The following SDR42E1 variants were observed in gnomAD, a reference collection of about 807,000 sequenced individuals.
SDR42E1 encodes the protein short chain dehydrogenase/reductase family 42E, member 1.
In SDR42E1, 5 loss-of-function variants were observed where a neutral mutation model predicts 2.6. That is an observed-to-expected ratio of 1.94 (90% CI 1.01 to 4.08). The LOEUF (loss-of-function observed/expected upper bound fraction) is 4.08, where lower values mean the gene tolerates loss of function less well. SDR42E1 is among the 30% of genes most tolerant of loss of function. The pLI, the probability that SDR42E1 is intolerant of heterozygous loss-of-function variation, is 0.00. For synonymous variants in SDR42E1, 231 were observed against 188.3 expected (o/e 1.23, Z -1.86); for missense variants, 596 against 478.6 (o/e 1.25, Z -2.29).
Position 82,000,013 on chromosome 16 carries a change from G to A in SDR42E1, c.280C>T (p.Leu94=), listed in dbSNP as rs1352422558. ...CCCCTGACGTTGACTTCTTTGATCAGGTTTCGATTGAGTTGCTCCCGCCCT... is the reference window on the plus strand; with the variant it reads ...CCCCTGACGTTGACTTCTTTGATCAAGTTTCGATTGAGTTGCTCCCGCCCT... ...MSGREQLNRN[L]IKEVNVRGTD... Residue 94 remains leucine (L), a synonymous_variant, in exon 3 of 3, where the codon CTG becomes TTG. Coordinates refer to ENST00000328945, the MANE Select transcript of SDR42E1 (RefSeq NM_145168.3). 1.2e-6 allele frequency: 2 copies of A among 1,614,194 alleles called. No homozygotes were observed. The highest frequency in any genetic ancestry group is 4.5e-5 in the East Asian group (2 of 44,882).
intron 1 of SDR42E1, among the ~76,000 whole-genome samples, chr16:82,004,723 T>C (rs892499634): frequency 1.1e-4 from 16 of 152,202 alleles, no homozygotes; most frequent in African/African-American, 3.4e-4. Flanking sequence ...CAATGAACCG[T>C]TGGGGCCACC....
chr16:81,989,322 GACATGAACACC>G lies in SDR42E1; in HGVS notation c.*9778_*9788del, dbSNP rs771506408. 4 of 152,166 alleles carry G rather than the reference GACATGAACACC, an allele frequency of 2.6e-5. No homozygotes were observed. Among genetic ancestry groups the G allele is most frequent in the Non-Finnish European group, 5.9e-5 (4 of 68,044 alleles). The allele number at this position is 152,166 out of a possible 1,614,324, so 9.4% of individuals were successfully genotyped here. A position where few individuals can be genotyped will look rare whatever the true frequency, so the allele number is the denominator to read the frequency against. ...GGTGGGAGACAGTAGTATGGGGAAA[GACATGAACACC>G]ACAGCCCTGTTTTCTATACAAATAT... is the stretch of plus-strand genomic sequence containing the variant. On this transcript the variant is annotated 3_prime_UTR_variant, in exon 3 of 3. Transcript: ENST00000328945.
In SDR42E1 at chr16:81,999,499, A is replaced by G. The variant is rs1314043153; in HGVS notation, c.794T>C (p.Phe265Ser). ...CAGGCCCTCAACCAGAGGCCGGAAG[A>G]ACTCAAAGTTGTTCACGGGTCTGCC... The part of the protein sequence containing the change: ...SDGRPVNNFE[F>S]FRPLVEGLGY... Residue 265 changes from phenylalanine to serine, a missense_variant, in exon 3 of 3, where the codon TTC becomes TCC. By Grantham distance (155) the Phe-to-Ser change is radical. Transcript: ENST00000328945. 6.2e-7 allele frequency: 1 copy of G among 1,614,042 alleles called. No homozygotes were observed. Among genetic ancestry groups the G allele is most frequent in the Non-Finnish European group, 8.5e-7 (1 of 1,180,028 alleles).
rs1207620055 is a variant in SDR42E1 at position 81,991,653 on chromosome 16, G to C, written c.*7458C>G. On this transcript the variant is annotated 3_prime_UTR_variant, in exon 3 of 3. Transcript: ENST00000328945. ...TTGAGCCCAGGAGTTCGAGCCAACAGTGAGCCATGACTGTGCCACTGTACT... is the reference window on the plus strand; with the variant it reads ...TTGAGCCCAGGAGTTCGAGCCAACACTGAGCCATGACTGTGCCACTGTACT... 6.6e-6 allele frequency: 1 copy of C among 150,384 alleles called. No homozygotes were observed. The highest frequency in any genetic ancestry group is 1.5e-5 in the Non-Finnish European group (1 of 67,938). 9.3% of individuals were successfully genotyped at this position (150,384 alleles called of 1,614,324 possible). A position where few individuals can be genotyped will look rare whatever the true frequency, so the allele number is the denominator to read the frequency against.
At position 81,990,183 on chromosome 16, in the gene SDR42E1, T is replaced by C. The variant is rs1354843195; in HGVS notation, c.*8928A>G. On this transcript the variant is annotated 3_prime_UTR_variant, in exon 3 of 3. Transcript: ENST00000328945. Reference sequence around the variant, plus strand: ...CAGAAAAATTAGCTAGGTGTGCTGGTGCACCTGTGGTTCTAGCTACTTAGG... The same window carrying C: ...CAGAAAAATTAGCTAGGTGTGCTGGCGCACCTGTGGTTCTAGCTACTTAGG... 4 of 152,284 alleles carry C rather than the reference T, an allele frequency of 2.6e-5. No individual in the cohort carries two copies. The highest frequency in any genetic ancestry group is 4.4e-5 in the Non-Finnish European group (3 of 68,160). 9.4% of individuals were successfully genotyped at this position (152,284 alleles called of 1,614,324 possible).
intron 1 of SDR42E1, among the ~76,000 whole-genome samples, chr16:82,003,898 C>T (rs1472098961): frequency 6.6e-6 from 1 of 152,184 alleles, no homozygotes; most frequent in African/African-American, 2.4e-5. Flanking sequence ...TTATTCTGAA[C>T]ACCCTAAAAT....
At chr16:82,010,752 G>T (rs903017832) in intron 1 of SDR42E1, among the ~76,000 whole-genome samples, 2 of 152,116 alleles carry the variant, frequency 1.3e-5, no homozygotes, top group African/African-American at 4.8e-5. Flanking sequence ...AAACGAAACT[G>T]GGCTCTGACC....
At position 81,990,694 on chromosome 16, in the gene SDR42E1, T is replaced by C. The variant is rs1363981931; in HGVS notation, c.*8417A>G. On this transcript the variant is annotated 3_prime_UTR_variant, in exon 3 of 3. Transcript: ENST00000328945. ...TGAGAGGCATTTGCTCAAAGTCACA[T>C]TGCAAATAAGAGATGGCTCCAGGAC... The C allele has an allele frequency of 4.6e-5, 7 of 152,184 alleles. No individual in the cohort carries two copies. The East Asian group carries it at 1.2e-3, about 25-fold the overall frequency. 9.4% of individuals were successfully genotyped at this position (152,184 alleles called of 1,614,324 possible).
chr16:81,999,517 G>C lies in SDR42E1; in HGVS notation c.776C>G (p.Pro259Arg). ...CCGGAAGAACTCAAAGTTGTTCACG[G>C]GTCTGCCATCTGAGATGAAGTAGGG... ...GQPYFISDGR[P>R]VNNFEFFRPL... Residue 259 changes from proline to arginine, a missense_variant, in exon 3 of 3, where the codon CCC becomes CGC. Pro to Arg is a moderately radical substitution (Grantham distance 103). Coordinates refer to ENST00000328945, the MANE Select transcript of SDR42E1 (RefSeq NM_145168.3). 6.2e-7 allele frequency: 1 copy of C among 1,614,170 alleles called. No homozygotes were observed. Among genetic ancestry groups the C allele is most frequent in the Non-Finnish European group, 8.5e-7 (1 of 1,180,022 alleles).
Position 81,993,203 on chromosome 16 carries a change from C to G in SDR42E1, c.*5908G>C, listed in dbSNP as rs1956618141. On this transcript the variant is annotated 3_prime_UTR_variant, in exon 3 of 3. Transcript: ENST00000328945. Reference sequence around the variant, plus strand: ...CATTCAGCAAAGTTGTACTGAGCACCTGCTGTAGCAAAGCACTGCAAAGGG... The same window carrying G: ...CATTCAGCAAAGTTGTACTGAGCACGTGCTGTAGCAAAGCACTGCAAAGGG... 6.6e-6 allele frequency: 1 copy of G among 152,172 alleles called. No homozygotes were observed. The highest frequency in any genetic ancestry group is 2.4e-5 in the African/African-American group (1 of 41,440). 9.4% of individuals were successfully genotyped at this position (152,172 alleles called of 1,614,324 possible). A position where few individuals can be genotyped will look rare whatever the true frequency, so the allele number is the denominator to read the frequency against.
At chr16:82,007,778 C>G (rs962921324) in intron 1 of SDR42E1, 1 of 152,166 alleles carries the variant, frequency 6.6e-6, no homozygotes, top group African/African-American at 2.4e-5. Context: ...GGTTAAGACT[C>G]CCAGTTTGGA....
intron 1 of SDR42E1, among the ~76,000 whole-genome samples, chr16:82,006,228 C>T (rs1342278757): frequency 1.3e-5 from 2 of 152,154 alleles, no homozygotes; most frequent in Non-Finnish European, 2.9e-5. Flanking sequence ...GAAAAAATAT[C>T]TCCAAGTACT....
At chr16:82,004,822 A>G (rs1039137072) in intron 1 of SDR42E1, among the ~76,000 whole-genome samples, 1 of 152,216 alleles carries the variant, frequency 6.6e-6, no homozygotes, top group Non-Finnish European at 1.5e-5. Flanking sequence ...CTAGCGGGTT[A>G]CCAGTGAGGA....
chr16:82,005,559 G>C (rs1912906313), intron 1 of SDR42E1, among the ~76,000 whole-genome samples: 1 of 152,146 alleles, frequency 6.6e-6, no homozygotes, highest in Non-Finnish European at 1.5e-5. Context: ...TGAATCCTAA[G>C]CCAGAAGGGA....
At position 81,989,103 on chromosome 16, in the gene SDR42E1, G is replaced by A. The variant is rs1159841639; in HGVS notation, c.*10008C>T. ...AATGGGACATACCTGAGAGTGAAAGGAAGCACTATTAAAAATTAAGGTGGG... is the reference window on the plus strand; with the variant it reads ...AATGGGACATACCTGAGAGTGAAAGAAAGCACTATTAAAAATTAAGGTGGG... On this transcript the variant is annotated 3_prime_UTR_variant, in exon 3 of 3. Coordinates refer to ENST00000328945, the MANE Select transcript of SDR42E1 (RefSeq NM_145168.3). 1 of 152,140 alleles carries A rather than the reference G, an allele frequency of 6.6e-6. No individual in the cohort carries two copies. The highest frequency in any genetic ancestry group is 1.5e-5 in the Non-Finnish European group (1 of 68,026). 9.4% of individuals were successfully genotyped at this position (152,140 alleles called of 1,614,324 possible).
In SDR42E1 at chr16:81,998,987, T is replaced by TTGG; in HGVS notation, c.*123_*124insCCA. ...GACATAAAGATTCAATCCAAGAACC[T>TTGG]ATTCTTAAGTAGCAATTTGAAGAGC... On this transcript the variant is annotated 3_prime_UTR_variant, in exon 3 of 3. Transcript: ENST00000328945. The TTGG allele has an allele frequency of 1.0e-6, 1 of 963,388 alleles. No homozygotes were observed. The highest frequency in any genetic ancestry group is 1.5e-6 in the Non-Finnish European group (1 of 660,540). The allele number at this position is 963,388 out of a possible 1,614,324, so 59.7% of individuals were successfully genotyped here. A position where few individuals can be genotyped will look rare whatever the true frequency, so the allele number is the denominator to read the frequency against.
chr16:82,002,149 G>A (rs1463427887), intron 1 of SDR42E1, among the ~76,000 whole-genome samples: 6 of 152,132 alleles, frequency 3.9e-5, no homozygotes, highest in Admixed American at 1.3e-4. Flanking sequence ...AGAGTGTGGA[G>A]ACAGGAGGGA....
chr16:81,999,502 T>A lies in SDR42E1; in HGVS notation c.791A>T (p.Glu264Val), dbSNP rs1912661239. Residue 264 changes from glutamate (E) to valine (V), a missense_variant, in exon 3 of 3, where the codon GAG becomes GTG. Physicochemically the swap from Glu to Val is moderately radical, Grantham distance 121. Transcript: ENST00000328945. ...ISDGRPVNNF[E>V]FFRPLVEGLG... ...GCCCTCAACCAGAGGCCGGAAGAAC[T>A]CAAAGTTGTTCACGGGTCTGCCATC... The A allele has an allele frequency of 1.2e-6, 2 of 1,613,910 alleles. No individual in the cohort carries two copies. Among genetic ancestry groups the A allele is most frequent in the African/African-American group, 2.7e-5 (2 of 74,860 alleles).
chr16:82,011,115 G>T (rs1044492824), intron 1 of SDR42E1, among the ~76,000 whole-genome samples: 19 of 152,238 alleles, frequency 1.2e-4, no homozygotes, highest in African/African-American at 4.3e-4. Context: ...CCTGTGGAAA[G>T]TTCGGAGCTT....
Sources: allele counts gnomAD v4.1 joint callset (sites outside exome capture counted in the v4.1 genomes callset), GRCh38; gene constraint gnomAD v4.1.1; transcripts MANE v1.5; gene names NCBI Gene and HGNC (gene_info 2026-07-23, HGNC 2026-07-21).